The following DNAH12 variants were observed in gnomAD, a reference collection of about 807,000 sequenced individuals.
The protein encoded by DNAH12 is axonemal beta dynein heavy chain 12.
DNAH12 carries 285 observed loss-of-function variants against 371.5 expected under a neutral mutation model. The ratio of observed to expected loss-of-function variants is 0.77; its 90% CI spans 0.70 to 0.85. DNAH12 has a LOEUF of 0.85. Among genes scored for constraint, DNAH12 ranks in the 40% least tolerant of loss-of-function variants. The pLI, the probability that DNAH12 is intolerant of heterozygous loss-of-function variation, is 0.00. For missense variants in DNAH12, 3,611 were observed against 3,689.4 expected (o/e 0.98, Z 0.55); for synonymous variants, 1,200 against 1,213.0 (o/e 0.99, Z 0.22).
the DNAH12 span, among the ~76,000 whole-genome samples, chr3:57,554,217 G>A: frequency 7.7e-6 from 1 of 130,550 alleles, no homozygotes; most frequent in Non-Finnish European, 1.6e-5. Context: ...AACCCGGGAG[G>A]TGGAGGCTGC....
intron 36 of DNAH12, among the ~76,000 whole-genome samples, chr3:57,420,908 CAAAAAAAA>C (rs369971376): frequency 7.7e-5 from 6 of 78,016 alleles, no homozygotes; most frequent in Non-Finnish European, 1.2e-4. Flanking sequence ...GACTCCGTCT[CAAAAAAAA>C]AAAAAAAAAA....
chr3:57,309,938 T>C (rs985310467), intron 67 of DNAH12, 84 bp from the exon 68 acceptor site: 2 of 1,209,006 alleles, frequency 1.7e-6, no homozygotes, highest in Non-Finnish European at 2.2e-6. Context: ...CAAAATATGC[T>C]ACTTTGGCAT....
At chr3:57,455,213 A>G (rs777774156) in intron 22 of DNAH12, among the ~76,000 whole-genome samples, 1 of 152,004 alleles carries the variant, frequency 6.6e-6, no homozygotes, top group Non-Finnish European at 1.5e-5. Flanking sequence ...CAAGTTTTCT[A>G]TATAGAATAC....
chr3:57,518,520 C>T (rs969478308), intron 4 of DNAH12, among the ~76,000 whole-genome samples: 1 of 144,986 alleles, frequency 6.9e-6, no homozygotes, highest in Non-Finnish European at 1.5e-5. Flanking sequence ...AGCAAGACTA[C>T]TCTGTCTCAA....
At chr3:57,393,801 A>G (rs2153348154) in intron 44 of DNAH12, among the ~76,000 whole-genome samples, 1 of 152,250 alleles carries the variant, frequency 6.6e-6, no homozygotes, top group East Asian at 1.9e-4. Context: ...AAACTTTAAA[A>G]AAATTTACTA....
chr3:57,303,030 A>G (rs1364514523), intron 69 of DNAH12, among the ~76,000 whole-genome samples: 2 of 151,858 alleles, frequency 1.3e-5, no homozygotes. Context: ...TTTCATCATC[A>G]TTTTTACATT....
At chr3:57,473,688 CAT>C (rs527790831) in intron 13 of DNAH12, among the ~76,000 whole-genome samples, 5 of 111,128 alleles carry the variant, frequency 4.5e-5, no homozygotes, top group East Asian at 2.2e-4. Context: ...CATATGTATA[CAT>C]ATATATACAT....
At chr3:57,489,417 T>C (rs1056736721) in intron 12 of DNAH12, 92 bp downstream of exon 12, 94 of 1,294,176 alleles carry the variant, frequency 7.3e-5, no homozygotes, top group African/African-American at 1.9e-4. Flanking sequence ...CGTACTTACA[T>C]ATTTTAAGCT....
chr3:57,501,403 T>G lies in DNAH12; in HGVS notation c.1253A>C (p.Tyr418Ser). The part of the protein sequence containing the change: ...RKHYETYVEK[Y>S]NWLLDGTAVE... ...TGCAGTCCCATCAAGGAGCCAATTA[T>G]ATTTTTCAACTGAAAATTAATAATC... The change falls in exon 11 of 74, where the codon TAT (tyrosine) becomes TCT (serine). Residue 418 changes from tyrosine to serine, a missense_variant. By Grantham distance (144) the Tyr-to-Ser change is moderately radical (BLOSUM62 -2). Transcript: ENST00000495027. The G allele has an allele frequency of 6.3e-7, 1 of 1,584,156 alleles. No individual in the cohort carries two copies.
At chr3:57,437,350 T>G (rs541325203) in intron 29 of DNAH12, among the ~76,000 whole-genome samples, 1 of 152,156 alleles carries the variant, frequency 6.6e-6, no homozygotes, top group Admixed American at 6.5e-5. Context: ...ATTTCACTTT[T>G]GGTTAGGAAA....
intron 32 of DNAH12, among the ~76,000 whole-genome samples, chr3:57,431,818 C>T (rs1421806129): frequency 6.6e-6 from 1 of 152,182 alleles, no homozygotes; most frequent in East Asian, 1.9e-4. Context: ...AGCTCTCTTT[C>T]CCATCTTCCA....
At chr3:57,489,760 T>A in intron 11 of DNAH12, 73 bp from the exon 12 acceptor site, 1 of 1,347,530 alleles carries the variant, frequency 7.4e-7, no homozygotes. Flanking sequence ...TGTATTGTTA[T>A]GAAAGTCCTA....
intron 60 of DNAH12, among the ~76,000 whole-genome samples, chr3:57,348,445 T>C (rs1382487898): frequency 1.3e-5 from 2 of 152,138 alleles, no homozygotes; most frequent in East Asian, 1.9e-4. Context: ...CTTGCCAAAA[T>C]TGATAGGTGT....
chr3:57,512,324 T>C (rs1460712757), intron 4 of DNAH12: 1 of 152,176 alleles, frequency 6.6e-6, no homozygotes, highest in East Asian at 1.9e-4. Context: ...AACAAAATAG[T>C]AGTTGCCAGG....
intron 60 of DNAH12, among the ~76,000 whole-genome samples, chr3:57,342,318 G>C (rs1479957024): frequency 1.3e-5 from 2 of 151,834 alleles, no homozygotes; most frequent in East Asian, 3.9e-4. Context: ...ACAACACAAT[G>C]AAAAGACAAC....
At position 57,405,001 on chromosome 3, in the gene DNAH12, T is replaced by C; in HGVS notation, c.6723A>G (p.Thr2241=). The C allele has an allele frequency of 6.6e-7, 1 of 1,525,340 alleles. No individual in the cohort carries two copies. The highest frequency in any genetic ancestry group is 8.8e-7 in the Non-Finnish European group (1 of 1,139,298). 94.5% of individuals were successfully genotyped at this position (1,525,340 alleles called of 1,614,324 possible). ...TGACAAGATTCATTCTTGTTTTGTG[T>C]GTTTGATTATACTCATCTAAGCACT... ...VDQCLDEYNQ[T]HKTRMNLVIF... is the part of the protein sequence containing the mutation. Residue 2241 remains threonine (T), a synonymous_variant, in exon 42 of 74, where the codon ACA becomes ACG. Transcript: ENST00000495027.
chr3:57,396,907 T>G (rs1371896150), intron 43 of DNAH12, among the ~76,000 whole-genome samples: 1 of 152,114 alleles, frequency 6.6e-6, no homozygotes, highest in Non-Finnish European at 1.5e-5. Context: ...CACCTATAAT[T>G]CCAGCTACTA....
chr3:57,375,579 A>G (rs1193892599), intron 54 of DNAH12, 63 bp from the exon 55 acceptor site: 2 of 152,168 alleles, frequency 1.3e-5, no homozygotes, highest in African/African-American at 4.8e-5. Context: ...TTTTTAAATT[A>G]AAATATTGGT....
intron 2 of DNAH12, 61 bp downstream of exon 2, chr3:57,542,640 A>G (rs2069340479): frequency 6.0e-6 from 9 of 1,510,970 alleles, no homozygotes; most frequent in Admixed American, 2.2e-5. Context: ...TTAGGAGAAT[A>G]TGAACACTAA....
Sources: allele counts gnomAD v4.1 joint callset (sites outside exome capture counted in the v4.1 genomes callset), GRCh38; gene constraint gnomAD v4.1.1; transcripts MANE v1.5; gene names NCBI Gene and HGNC (gene_info 2026-07-23, HGNC 2026-07-21).